GIGYF2: variants seen among roughly 807,000 people sequenced by gnomAD.
The protein encoded by GIGYF2 is GRB10 interacting GYF protein 2.
In GIGYF2, 25 loss-of-function variants were observed where a neutral mutation model predicts 208.1. The ratio of observed to expected loss-of-function variants is 0.12; its 90% CI spans 0.09 to 0.17. GIGYF2 has a LOEUF of 0.17. GIGYF2 is among the 10% of genes least tolerant of loss of function. The pLI is 1.00. For missense variants in GIGYF2, 1,302 were observed against 1,579.4 expected (o/e 0.82, Z 2.98); for synonymous variants, 534 against 543.8 (o/e 0.98, Z 0.25).
chr2:232,754,164 C>CA (rs1171708757), intron 5 of GIGYF2, among the ~76,000 whole-genome samples: 8 of 134,654 alleles, frequency 5.9e-5, no homozygotes, highest in Admixed American at 7.5e-5. Context: ...GACCCCGTCT[C>CA]AAAAAAAAGA....
chr2:232,783,341 A>G (rs1372768062), intron 8 of GIGYF2, among the ~76,000 whole-genome samples: 1 of 152,004 alleles, frequency 6.6e-6, no homozygotes, highest in Admixed American at 6.5e-5. Context: ...TCTGGTTCCA[A>G]TTATTTTTTG....
chr2:232,809,997 T>G (rs764223543), intron 16 of GIGYF2, among the ~76,000 whole-genome samples, 186 bp downstream of exon 16: 4 of 152,180 alleles, frequency 2.6e-5, no homozygotes, highest in Non-Finnish European at 5.9e-5. Flanking sequence ...TATTTATTTA[T>G]TTATTTTTGA....
At chr2:232,740,907 A>C (rs1480660637) in intron 3 of GIGYF2, among the ~76,000 whole-genome samples, 2 of 152,164 alleles carry the variant, frequency 1.3e-5, no homozygotes, top group Non-Finnish European at 2.9e-5. Context: ...TGAGGGGTGT[A>C]TTTTGGAAGC....
chr2:232,782,210 A>T (rs283482), intron 8 of GIGYF2, among the ~76,000 whole-genome samples: 64,282 of 151,496 alleles, frequency 0.42, 14,055 homozygotes, highest in South Asian at 0.69. Flanking sequence ...TTTTTAAAAA[A>T]TTTTTTTTTA....
chr2:232,763,412 C>G (rs557586245), intron 8 of GIGYF2, among the ~76,000 whole-genome samples: 3 of 152,242 alleles, frequency 2.0e-5, no homozygotes, highest in South Asian at 2.1e-4. Flanking sequence ...CCCATAAATA[C>G]TGTGTTTTTC....
chr2:232,721,235 A>G (rs1159276356), intron 2 of GIGYF2, among the ~76,000 whole-genome samples: 2 of 152,194 alleles, frequency 1.3e-5, no homozygotes, highest in South Asian at 2.1e-4. Context: ...CATTCCTGTC[A>G]TCTGTCATTG....
intron 2 of GIGYF2, among the ~76,000 whole-genome samples, chr2:232,715,251 C>T (rs1696626719): frequency 6.6e-6 from 1 of 152,062 alleles, no homozygotes; most frequent in South Asian, 2.1e-4. Flanking sequence ...AGTATTTGTT[C>T]ATAACATTAT....
chr2:232,825,634 C>T (rs145784610), intron 21 of GIGYF2, among the ~76,000 whole-genome samples: 10 of 151,908 alleles, frequency 6.6e-5, no homozygotes, highest in Non-Finnish European at 7.4e-5. Context: ...GAAGATGTCG[C>T]GAACATTGTT....
At chr2:232,763,424 A>T (rs755283075) in intron 8 of GIGYF2, among the ~76,000 whole-genome samples, 2 of 152,298 alleles carry the variant, frequency 1.3e-5, no homozygotes, top group Non-Finnish European at 2.9e-5. Context: ...GTGTTTTTCT[A>T]TACATATATA....
chr2:232,721,566 C>G (rs1020613099), intron 2 of GIGYF2, among the ~76,000 whole-genome samples: 35 of 152,222 alleles, frequency 2.3e-4, no homozygotes, highest in African/African-American at 8.4e-4. Context: ...TTAGGGTGGC[C>G]CTTCTGCCTA....
intron 2 of GIGYF2, among the ~76,000 whole-genome samples, chr2:232,724,250 G>A (rs2106278371): frequency 6.8e-6 from 1 of 147,764 alleles, no homozygotes; most frequent in Admixed American, 6.7e-5. Context: ...TAGAGACGGG[G>A]TTTCACCATG....
chr2:232,830,923 C>T (rs1033650489), intron 21 of GIGYF2, among the ~76,000 whole-genome samples: 6 of 152,026 alleles, frequency 3.9e-5, no homozygotes, highest in Non-Finnish European at 8.8e-5. Flanking sequence ...CTTAGACTTC[C>T]TTGTTTTTGA....
At chr2:232,828,120 G>T (rs555289221) in intron 21 of GIGYF2, among the ~76,000 whole-genome samples, 1 of 152,110 alleles carries the variant, frequency 6.6e-6, no homozygotes, top group East Asian at 1.9e-4. Flanking sequence ...CTCCTGAGTA[G>T]GTGGGACCAC....
At chr2:232,756,180 C>CT (rs772938782) in intron 5 of GIGYF2, 43 bp from the exon 6 acceptor site, 13 of 1,155,560 alleles carry the variant, frequency 1.1e-5, no homozygotes, top group African/African-American at 8.5e-5. Context: ...TTTTTTCTTT[C>CT]TTTTTTTCCT....
At chr2:232,725,715 A>G (rs1470316836) in intron 2 of GIGYF2, among the ~76,000 whole-genome samples, 1 of 152,182 alleles carries the variant, frequency 6.6e-6, no homozygotes, top group Non-Finnish European at 1.5e-5. Flanking sequence ...TCCTTATCAC[A>G]TGGTACTCAT....
chr2:232,816,201 T>G (rs1700905335), intron 19 of GIGYF2, among the ~76,000 whole-genome samples: 1 of 152,202 alleles, frequency 6.6e-6, no homozygotes, highest in African/African-American at 2.4e-5. Flanking sequence ...ATTCACATTT[T>G]TTGGAAGAGC....
rs2106440948 is a variant in GIGYF2 at position 232,858,898 on chromosome 2, AC to A, written c.*2041del. The A allele has an allele frequency of 4.3e-6, 1 of 230,086 alleles. No homozygotes were observed. Among genetic ancestry groups the A allele is most frequent in the South Asian group, 6.4e-5 (1 of 15,692 alleles). The allele number at this position is 230,086 out of a possible 1,614,324, so 14.3% of individuals were successfully genotyped here. ...GCTCCTGCCCTCATACCGCAGACAC[AC>A]CCACTCTGAACACACCCCTCCAGAG... On this transcript the variant is annotated 3_prime_UTR_variant, in exon 29 of 29. Coordinates refer to ENST00000373563, the MANE Select transcript of GIGYF2 (RefSeq NM_001103146.3).
At chr2:232,737,602 A>T (rs10221688) in intron 3 of GIGYF2, among the ~76,000 whole-genome samples, 3,549 of 152,242 alleles carry the variant, frequency 0.023, 147 homozygotes, top group African/African-American at 0.08. Context: ...AGAGAGTACT[A>T]CCTAATTTTT....
intron 3 of GIGYF2, among the ~76,000 whole-genome samples, chr2:232,738,824 A>G (rs9973586): frequency 0.19 from 28,609 of 152,096 alleles, 2,944 homozygotes; most frequent in Non-Finnish European, 0.22. Flanking sequence ...CAAAAGTTTT[A>G]TTTTTAAGGC....
Sources: allele counts gnomAD v4.1 joint callset (sites outside exome capture counted in the v4.1 genomes callset), GRCh38; gene constraint gnomAD v4.1.1; transcripts MANE v1.5; gene names NCBI Gene and HGNC (gene_info 2026-07-23, HGNC 2026-07-21).